Variants in EML4 observed in about 807,000 individuals in gnomAD.
The protein encoded by EML4 is EMAP like 4.
In EML4, 72 loss-of-function variants were observed where a neutral mutation model predicts 129.0. The observed-to-expected ratio is 0.56, with a 90% confidence interval of 0.46 to 0.68. The LOEUF is 0.68. Ranked by LOEUF, EML4 falls within the 30% of genes least tolerant of loss-of-function variation. The probability of loss-of-function intolerance (pLI) is 0.00; values close to 1 mark genes in which losing one functional copy is unlikely to be tolerated. For missense variants in EML4, 1,363 were observed against 1,190.6 expected, an observed-to-expected ratio of 1.14 and a Z score of -2.13; for synonymous variants, 532 against 405.0, an observed-to-expected ratio of 1.31 and a Z score of -3.77.
chr2:42,329,053 C>T (rs1267184529), intron 22 of EML4, 37 bp downstream of exon 22: 21 of 1,590,424 alleles, frequency 1.3e-5, no homozygotes, highest in Non-Finnish European at 1.7e-5. Context: ...GTTATAAGGC[C>T]TTCTGTCCAG....
chr2:42,256,501 G>A lies in EML4; in HGVS notation c.209G>A (p.Gly70Asp). ...AATTTTTTTCCTTAATTATCTTTAGGCCAACCAAGCCCTCGAGCAGTTATT... is the reference window on the plus strand; with the variant it reads ...AATTTTTTTCCTTAATTATCTTTAGACCAACCAAGCCCTCGAGCAGTTATT... The part of the protein sequence containing the change: ...ASVKKSVSSK[G>D]QPSPRAVIPM... Residue 70 changes from glycine to aspartate, a missense_variant and splice_region_variant, in exon 3 of 23, where the codon GGC becomes GAC. Gly to Asp is a moderately conservative substitution (Grantham distance 94). Transcript: ENST00000318522. 2.5e-6 allele frequency: 4 copies of A among 1,583,878 alleles called. No homozygotes were observed. The highest frequency in any genetic ancestry group is 3.4e-6 in the Non-Finnish European group (4 of 1,166,294).
chr2:42,231,549 A>T (rs1350000969), intron 1 of EML4, among the ~76,000 whole-genome samples: 1 of 152,114 alleles, frequency 6.6e-6, no homozygotes, highest in Non-Finnish European at 1.5e-5. Flanking sequence ...TGAACCATTT[A>T]TTCAGTCATC....
chr2:42,278,136 T>G (rs946679303), intron 6 of EML4, among the ~76,000 whole-genome samples: 2 of 152,218 alleles, frequency 1.3e-5, no homozygotes, highest in Non-Finnish European at 2.9e-5. Context: ...GTACTAAGTC[T>G]TTGTCTCCCC....
intron 8 of EML4, among the ~76,000 whole-genome samples, chr2:42,283,373 T>C (rs963703642): frequency 2.0e-5 from 3 of 152,222 alleles, no homozygotes; most frequent in African/African-American, 7.2e-5. Context: ...CTTTATTCTT[T>C]TGGGAAGAAA....
chr2:42,191,860 C>T (rs1671602603), intron 1 of EML4, among the ~76,000 whole-genome samples: 2 of 151,788 alleles, frequency 1.3e-5, no homozygotes, highest in Admixed American at 1.3e-4. Context: ...AATAAGAAAC[C>T]TGGCCGGGCA....
At chr2:42,243,998 T>A (rs1424629405) in intron 1 of EML4, among the ~76,000 whole-genome samples, 1 of 98,836 alleles carries the variant, frequency 1.0e-5, no homozygotes, top group Admixed American at 8.4e-5. Context: ...AAGCCAACGG[T>A]GTTTTTAACA....
chr2:42,264,387 G>T (rs1160903794), intron 5 of EML4, among the ~76,000 whole-genome samples: 2 of 152,094 alleles, frequency 1.3e-5, no homozygotes, highest in Non-Finnish European at 2.9e-5. Context: ...CAAAGTGCTA[G>T]GATTACAGGT....
chr2:42,194,002 CTG>C (rs1238095446), intron 1 of EML4, among the ~76,000 whole-genome samples: 1 of 152,170 alleles, frequency 6.6e-6, no homozygotes. Context: ...TTATTTTAAA[CTG>C]TGTTAACATT....
At chr2:42,209,095 C>T (rs945737291) in intron 1 of EML4, among the ~76,000 whole-genome samples, 2 of 151,978 alleles carry the variant, frequency 1.3e-5, no homozygotes, top group African/African-American at 4.8e-5. Context: ...TCTTTATAAT[C>T]TAATTGTAAA....
At chr2:42,271,097 T>C (rs1436816561) in intron 6 of EML4, among the ~76,000 whole-genome samples, 1 of 152,138 alleles carries the variant, frequency 6.6e-6, no homozygotes, top group Admixed American at 6.5e-5. Context: ...TTTCGCCATG[T>C]TGCCCAGGCT....
At chr2:42,193,357 A>C (rs961191072) in intron 1 of EML4, among the ~76,000 whole-genome samples, 5 of 152,240 alleles carry the variant, frequency 3.3e-5, no homozygotes, top group African/African-American at 1.2e-4. Context: ...CAAAACGTGC[A>C]TGCAGTTTAT....
rs1365459254 is a variant in EML4 at position 42,332,005 on chromosome 2, T to C, written c.*1798T>C. 2.3e-5 allele frequency: 5 copies of C among 221,034 alleles called. No homozygotes were observed. The Admixed American group carries it at 2.9e-4, about 13-fold the overall frequency. The allele number at this position is 221,034 out of a possible 1,614,324, so 13.7% of individuals were successfully genotyped here. A position where few individuals can be genotyped will look rare whatever the true frequency, so the allele number is the denominator to read the frequency against. On this transcript the variant is annotated 3_prime_UTR_variant, in exon 23 of 23. Coordinates refer to ENST00000318522, the MANE Select transcript of EML4 (RefSeq NM_019063.5). ...GCAACCCATCTTTCTTCAGTATGTA[T>C]GTTCTGTACATACTTATCGGAGCGC...
Position 42,281,053 on chromosome 2 carries a change from T to A in EML4, c.791+80T>A, listed in dbSNP as rs537751001. 1,781 of 1,194,184 alleles carry A rather than the reference T, an allele frequency of 1.5e-3. 10 individuals carry two copies. Among genetic ancestry groups the A allele is most frequent in the Middle Eastern group, 9.3e-3 (45 of 4,834 alleles). The allele number at this position is 1,194,184 out of a possible 1,614,324, so 74.0% of individuals were successfully genotyped here. On this transcript the variant is annotated intron_variant, in intron 7 of 22. Transcript: ENST00000318522. ...TCAGTTAACGTATTCTCTGTCAAAATTGTCTTTATACAAAAAAAAAAAGTA... is the reference window on the plus strand; with the variant it reads ...TCAGTTAACGTATTCTCTGTCAAAAATGTCTTTATACAAAAAAAAAAAGTA...
chr2:42,207,770 G>A lies in EML4; in HGVS notation c.26-37735G>A, dbSNP rs370774505. 1.1e-4 allele frequency among the ~76,000 whole-genome samples: 16 copies of A among 152,204 alleles called. No individual in the cohort carries two copies. The East Asian group carries it at 2.3e-3, about 22-fold the overall frequency. On this transcript the variant is annotated intron_variant, in intron 1 of 22. Transcript: ENST00000318522. ...AAATAAGTGACTTGTCTCTGAGTTT[G>A]GCATAATATAAAATGCAAATTTATA... is the stretch of plus-strand genomic sequence containing the variant.
chr2:42,312,774 C>T (rs986018239), intron 17 of EML4, among the ~76,000 whole-genome samples: 2 of 150,248 alleles, frequency 1.3e-5, no homozygotes, highest in African/African-American at 2.5e-5. Flanking sequence ...AGGGTGGGCT[C>T]GATCTCCTGA....
chr2:42,253,945 CT>C (rs1203584637), intron 2 of EML4, among the ~76,000 whole-genome samples: 1 of 152,124 alleles, frequency 6.6e-6, no homozygotes, highest in Non-Finnish European at 1.5e-5. Flanking sequence ...AAATCTTGTT[CT>C]TTCAAAAACT....
At chr2:42,282,180 A>ATT (rs35217351) in intron 7 of EML4, among the ~76,000 whole-genome samples, 93 of 145,422 alleles carry the variant, frequency 6.4e-4, no homozygotes, top group South Asian at 2.2e-3. Flanking sequence ...ATATTTGGTG[A>ATT]TTTTTTTTTT....
At chr2:42,225,227 A>G (rs897121529) in intron 1 of EML4, among the ~76,000 whole-genome samples, 3 of 152,096 alleles carry the variant, frequency 2.0e-5, no homozygotes, top group Non-Finnish European at 4.4e-5. Context: ...TTGGTGTATA[A>G]AAGTATCTGA....
At chr2:42,224,763 ATTT>A (rs1238223207) in intron 1 of EML4, among the ~76,000 whole-genome samples, 5 of 152,072 alleles carry the variant, frequency 3.3e-5, no homozygotes, top group Non-Finnish European at 1.5e-5. Flanking sequence ...TCTCATTATG[ATTT>A]TTTATTGTTA....
Sources: allele counts gnomAD v4.1 joint callset (sites outside exome capture counted in the v4.1 genomes callset), GRCh38; gene constraint gnomAD v4.1.1; transcripts MANE v1.5; gene names NCBI Gene and HGNC (gene_info 2026-07-23, HGNC 2026-07-21).